LTBP1: variants seen among roughly 807,000 people sequenced by gnomAD.
The protein encoded by LTBP1 is latent transforming growth factor beta binding protein 1.
A neutral mutation model predicts 207.6 loss-of-function variants in LTBP1; 129 were observed. That is an observed-to-expected ratio of 0.62 (90% CI 0.54 to 0.72). LTBP1 has a LOEUF of 0.72. Among genes scored for constraint, LTBP1 ranks in the 30% least tolerant of loss-of-function variants. The probability of loss-of-function intolerance (pLI) is 0.00; values close to 1 mark genes in which losing one functional copy is unlikely to be tolerated. For synonymous variants in LTBP1, 963 were observed against 833.7 expected (o/e 1.16, Z -2.67); for missense variants, 2,281 against 2,217.2 (o/e 1.03, Z -0.58).
At chr2:32,994,118 G>C (rs219163) in intron 2 of LTBP1, among the ~76,000 whole-genome samples, 142,944 of 152,080 alleles carry the variant, frequency 0.94, 67,761 homozygotes, top group East Asian at 1. Flanking sequence ...ATCTTTCTAA[G>C]AAGTGTCCTA....
At chr2:33,000,742 A>C (rs561328790) in intron 2 of LTBP1, among the ~76,000 whole-genome samples, 1 of 133,944 alleles carries the variant, frequency 7.5e-6, no homozygotes, top group Non-Finnish European at 1.6e-5. Context: ...ATGCATGTTT[A>C]ATAAGTACTC....
At chr2:33,352,501 C>T (rs777364359) in intron 26 of LTBP1, among the ~76,000 whole-genome samples, 4 of 152,008 alleles carry the variant, frequency 2.6e-5, no homozygotes, top group Admixed American at 1.3e-4. Flanking sequence ...TCTCCCCATT[C>T]GTCATCCAAG....
At chr2:33,305,469 A>G (rs1204632785) in intron 22 of LTBP1, among the ~76,000 whole-genome samples, 1 of 152,190 alleles carries the variant, frequency 6.6e-6, no homozygotes, top group Non-Finnish European at 1.5e-5. Flanking sequence ...CCTCGCTGGG[A>G]TGATAACACT....
At position 33,323,365 on chromosome 2, in the gene LTBP1, G is replaced by A. The variant is rs1043064399; in HGVS notation, c.3730+8096G>A. On this transcript the variant is annotated intron_variant, in intron 24 of 33. Coordinates refer to ENST00000404816, the MANE Select transcript of LTBP1 (RefSeq NM_206943.4). ...TAAAGTAAAAAAATCGACTAGGCGC[G>A]GTAGCTCACACCTGTAATCCCAGCA... Among the ~76,000 whole-genome samples, 9 of 152,108 alleles carry A rather than the reference G, an allele frequency of 5.9e-5. No homozygotes were observed. In the East Asian group the frequency reaches 1.5e-3, roughly 26 times the overall value.
intron 2 of LTBP1, among the ~76,000 whole-genome samples, chr2:32,967,539 A>G (rs1680189374): frequency 6.6e-6 from 1 of 152,168 alleles, no homozygotes; most frequent in South Asian, 2.1e-4. Context: ...TTAGGTCTAA[A>G]ATATTTTAAA....
intron 31 of LTBP1, among the ~76,000 whole-genome samples, chr2:33,371,661 A>C (rs925411576): frequency 2.0e-5 from 3 of 152,228 alleles, no homozygotes; most frequent in African/African-American, 7.2e-5. Flanking sequence ...TCTAAGTGAT[A>C]ATAAAAATGA....
intron 27 of LTBP1, among the ~76,000 whole-genome samples, chr2:33,360,980 G>A (rs1250399460): frequency 6.6e-6 from 1 of 152,204 alleles, no homozygotes; most frequent in Non-Finnish European, 1.5e-5. Flanking sequence ...TACTTTGACA[G>A]TCAGGTTCTT....
At chr2:33,144,039 T>C (rs1027539706) in intron 5 of LTBP1, among the ~76,000 whole-genome samples, 31 of 152,012 alleles carry the variant, frequency 2.0e-4, no homozygotes, top group Admixed American at 7.2e-4. Flanking sequence ...TGGAAGACCT[T>C]TGTCTCTTTC....
chr2:33,205,572 A>T (rs1255678554), intron 7 of LTBP1, among the ~76,000 whole-genome samples: 1 of 152,218 alleles, frequency 6.6e-6, no homozygotes, highest in Non-Finnish European at 1.5e-5. Context: ...CTGCCATGTT[A>T]TCCAGAATAT....
intron 4 of LTBP1, among the ~76,000 whole-genome samples, chr2:33,125,463 A>C (rs218203): frequency 0.037 from 5,668 of 151,978 alleles, 140 homozygotes; most frequent in Middle Eastern, 0.054. Flanking sequence ...AATTTGGGCC[A>C]AAAAAAAGCA....
At chr2:32,951,062 G>T (rs955794877) in intron 2 of LTBP1, among the ~76,000 whole-genome samples, 3 of 152,216 alleles carry the variant, frequency 2.0e-5, no homozygotes, top group Admixed American at 6.5e-5. Context: ...AAAAATCAGT[G>T]TTGAAGTTAC....
Position 33,134,655 on chromosome 2 carries a change from G to T in LTBP1, c.1034-138G>T. On this transcript the variant is annotated intron_variant, in intron 4 of 33. Transcript: ENST00000404816. This position sits in a 1 kb window ranked among gnomAD's most constrained non-coding sequence, Gnocchi z 4.4. ...AAGGCTTCCCTCTTTCCTTAAACCTGTCGGGTTGTGGGCTCTCTCTTTTCC... is the reference window on the plus strand; with the variant it reads ...AAGGCTTCCCTCTTTCCTTAAACCTTTCGGGTTGTGGGCTCTCTCTTTTCC... 3 of 1,563,308 alleles carry T rather than the reference G, an allele frequency of 1.9e-6. No individual in the cohort carries two copies. Among genetic ancestry groups the T allele is most frequent in the Middle Eastern group, 1.7e-4 (1 of 5,890 alleles).
chr2:33,236,414 A>C (rs190147523), intron 9 of LTBP1, among the ~76,000 whole-genome samples: 819 of 152,338 alleles, frequency 5.4e-3, no homozygotes, highest in Non-Finnish European at 8.3e-3. Context: ...TGTGCACAGT[A>C]TTTTCAGTAA....
At chr2:33,128,575 T>A (rs1386857573) in intron 4 of LTBP1, among the ~76,000 whole-genome samples, 2 of 152,222 alleles carry the variant, frequency 1.3e-5, no homozygotes, top group African/African-American at 4.8e-5. Context: ...TTTTCATTTC[T>A]GAAAAAATGT....
intron 24 of LTBP1, among the ~76,000 whole-genome samples, chr2:33,334,495 C>G (rs2094532621): frequency 6.6e-6 from 1 of 152,024 alleles, no homozygotes; most frequent in Admixed American, 6.6e-5. Flanking sequence ...GATAATGTGT[C>G]CTTGAATAAG....
intron 3 of LTBP1, among the ~76,000 whole-genome samples, chr2:33,069,646 C>T (rs1373968790): frequency 6.6e-6 from 1 of 152,226 alleles, no homozygotes; most frequent in Non-Finnish European, 1.5e-5. Context: ...GTACAGACAT[C>T]TGCATCCAGA....
chr2:33,044,987 T>C (rs2076378343), intron 3 of LTBP1, among the ~76,000 whole-genome samples: 1 of 152,194 alleles, frequency 6.6e-6, no homozygotes. Flanking sequence ...TAAATTTGTT[T>C]AAGTTCTTTG....
chr2:33,176,243 C>T (rs376858166), intron 5 of LTBP1, among the ~76,000 whole-genome samples: 21 of 147,324 alleles, frequency 1.4e-4, no homozygotes, highest in African/African-American at 5.3e-4. Context: ...TATTTATTTT[C>T]TGAGATGGAG....
Position 32,947,703 on chromosome 2 carries a change from G to A in LTBP1, c.379G>A (p.Ala127Thr). 2 of 1,523,280 alleles carry A rather than the reference G, an allele frequency of 1.3e-6. No homozygotes were observed. The highest frequency in any genetic ancestry group is 1.8e-6 in the Non-Finnish European group (2 of 1,136,042). 94.4% of individuals were successfully genotyped at this position (1,523,280 alleles called of 1,614,324 possible). ...QLHPNPGGHP[A>T]AAPFTKQGRQ... Reference sequence around the variant, plus strand: ...CCACCCCAATCCCGGCGGCCACCCGGCAGCCGCCCCGTTCACCAAACAAGG... The same window carrying A: ...CCACCCCAATCCCGGCGGCCACCCGACAGCCGCCCCGTTCACCAAACAAGG... The change falls in exon 1 of 34, where the codon GCA (alanine) becomes ACA (threonine). Residue 127 changes from alanine (A) to threonine (T), a missense_variant. Ala to Thr is a moderately conservative substitution (Grantham distance 58, BLOSUM62 0). Transcript: ENST00000404816.
Sources: gnomAD v4.1 joint callset for allele counts (sites outside exome capture counted in the v4.1 genomes callset) on GRCh38, gnomAD v4.1.1 for gene constraint, Gnocchi (gnomAD v3.1) non-coding constraint, MANE v1.5 for transcripts, NCBI Gene and HGNC (gene_info 2026-07-23, HGNC 2026-07-21) for gene names.